The following NAV1 variants were observed in gnomAD, a reference collection of about 807,000 sequenced individuals.
NAV1 encodes neuron navigator 1.
Under a neutral mutation model 175.2 loss-of-function variants are expected in NAV1, and 18 were observed. The observed-to-expected ratio is 0.10, with a 90% confidence interval of 0.07 to 0.15. The LOEUF (loss-of-function observed/expected upper bound fraction) is 0.15. Among genes scored for constraint, NAV1 ranks in the 10% least tolerant of loss-of-function variants. The pLI, the probability that NAV1 is intolerant of heterozygous loss-of-function variation, is 1.00. For synonymous variants in NAV1, 897 were observed against 978.7 expected (o/e 0.92, Z 1.56); for missense variants, 1,731 against 2,436.6 (o/e 0.71, Z 6.10).
intron 3 of NAV1, among the ~76,000 whole-genome samples, chr1:201,770,149 GTAGCCAATCC>G (rs1257002962): frequency 6.6e-6 from 1 of 152,206 alleles, no homozygotes; most frequent in Non-Finnish European, 1.5e-5. Context: ...TCTGGGAGGG[GTAGCCAATCC>G]TAGCCAAGAA....
At chr1:201,549,331 C>T (rs1168744587) in intron 1 of NAV1, among the ~76,000 whole-genome samples, 1 of 152,090 alleles carries the variant, frequency 6.6e-6, no homozygotes, top group East Asian at 1.9e-4. Flanking sequence ...ACCGCAGCCT[C>T]CCGAGTAGCT....
upstream of NAV1, among the ~76,000 whole-genome samples, chr1:201,643,259 T>G (rs1328629996): frequency 6.9e-6 from 1 of 144,270 alleles, no homozygotes; most frequent in African/African-American, 2.7e-5. Flanking sequence ...TCCTCCCTCC[T>G]TCCTTCCCTC....
At chr1:201,674,094 C>A (rs1558056167) in intron 1 of NAV1, 1 of 152,138 alleles carries the variant, frequency 6.6e-6, no homozygotes, top group Non-Finnish European at 1.5e-5. Context: ...GCCCAGATGC[C>A]CCACAGCAAG....
At chr1:201,622,611 G>A (rs1458261863), upstream of NAV1, among the ~76,000 whole-genome samples, 2 of 152,174 alleles carry the variant, frequency 1.3e-5, no homozygotes, top group Non-Finnish European at 2.9e-5. Context: ...AATTCACAAA[G>A]CACTTTCCCA....
chr1:201,606,495 C>G (rs1162706287), intron 2 of NAV1, among the ~76,000 whole-genome samples: 1 of 152,328 alleles, frequency 6.6e-6, no homozygotes. Flanking sequence ...TGTCCATGCA[C>G]CTGGCCCTTG....
At chr1:201,814,585 T>A (rs1396104864) in intron 28 of NAV1, among the ~76,000 whole-genome samples, 1 of 152,130 alleles carries the variant, frequency 6.6e-6, no homozygotes, top group Non-Finnish European at 1.5e-5. Flanking sequence ...AGATATCTCC[T>A]GGTGATATAG....
intron 1 of NAV1, among the ~76,000 whole-genome samples, chr1:201,663,459 AC>A (rs1669693740): frequency 6.6e-6 from 1 of 152,062 alleles, no homozygotes; most frequent in Non-Finnish European, 1.5e-5. Context: ...TTCAGGCCTG[AC>A]CTATAGCTTT....
chr1:201,615,442 T>A (rs1294079917), intron 2 of NAV1, among the ~76,000 whole-genome samples: 2 of 151,982 alleles, frequency 1.3e-5, no homozygotes, highest in African/African-American at 4.8e-5. Flanking sequence ...TTTTTGTAAT[T>A]TTAGTAGAGA....
At chr1:201,762,676 A>G (rs142825442) in intron 3 of NAV1, among the ~76,000 whole-genome samples, 25 of 152,358 alleles carry the variant, frequency 1.6e-4, no homozygotes, top group African/African-American at 5.1e-4. Flanking sequence ...AATATTTACT[A>G]TCTGGCCAAC....
At chr1:201,678,784 A>G (rs1465392226) in intron 1 of NAV1, among the ~76,000 whole-genome samples, 2 of 151,572 alleles carry the variant, frequency 1.3e-5, no homozygotes, top group Admixed American at 1.3e-4. Flanking sequence ...TCAAGGACAC[A>G]CCTCCCTCTG....
intron 1 of NAV1, among the ~76,000 whole-genome samples, chr1:201,627,851 A>G (rs1394723823): frequency 6.6e-6 from 1 of 152,060 alleles, no homozygotes; most frequent in Non-Finnish European, 1.5e-5. Context: ...CATTTAATTG[A>G]CAATAAGAGC....
chr1:201,814,705 A>T (rs1287567968), intron 28 of NAV1, among the ~76,000 whole-genome samples: 1 of 152,156 alleles, frequency 6.6e-6, no homozygotes, highest in Non-Finnish European at 1.5e-5. Flanking sequence ...TCAATTTAAA[A>T]GCATTTTCAC....
intron 2 of NAV1, among the ~76,000 whole-genome samples, chr1:201,606,371 C>T (rs1030897148): frequency 2.0e-5 from 3 of 152,194 alleles, no homozygotes; most frequent in African/African-American, 7.2e-5. Context: ...GTATCTGGCA[C>T]TTATAGCCAC....
chr1:201,651,861 G>A (rs137953784), intron 1 of NAV1, among the ~76,000 whole-genome samples: 4 of 152,100 alleles, frequency 2.6e-5, no homozygotes, highest in African/African-American at 4.8e-5. Context: ...CCCAAAGTTG[G>A]GGGGTGGGGA....
chr1:201,629,006 G>A (rs182173100), intron 1 of NAV1, among the ~76,000 whole-genome samples: 21 of 152,328 alleles, frequency 1.4e-4, no homozygotes, highest in Non-Finnish European at 2.4e-4. Context: ...TCTTCCCTGT[G>A]TATATGTACA....
At chr1:201,639,642 T>A (rs1479945167) in intron 2 of NAV1, among the ~76,000 whole-genome samples, 1 of 151,920 alleles carries the variant, frequency 6.6e-6, no homozygotes, top group Non-Finnish European at 1.5e-5. Flanking sequence ...GAGGGGCCAG[T>A]TTTTTGGATT....
intron 2 of NAV1, among the ~76,000 whole-genome samples, chr1:201,599,615 A>T (rs1346122712): frequency 1.3e-5 from 2 of 152,324 alleles, no homozygotes; most frequent in Non-Finnish European, 2.9e-5. Context: ...TGCTCAAGTC[A>T]TGGGAGCTTC....
chr1:201,611,891 G>T (rs1032101627), intron 2 of NAV1, among the ~76,000 whole-genome samples: 9 of 152,320 alleles, frequency 5.9e-5, no homozygotes, highest in Admixed American at 2.0e-4. Flanking sequence ...GGAAGCTGGA[G>T]ATGTGTGTGT....
At chr1:201,780,300 G>T in intron 3 of NAV1, 121 bp from the exon 8 acceptor site, 2 of 1,165,698 alleles carry the variant, frequency 1.7e-6, no homozygotes, top group Non-Finnish European at 2.4e-6. Flanking sequence ...AAACCCCCAG[G>T]TTTTCTCCTT....
Sources: gnomAD v4.1 joint callset for allele counts (sites outside exome capture counted in the v4.1 genomes callset) on GRCh38, gnomAD v4.1.1 for gene constraint, MANE v1.5 for transcripts, NCBI Gene and HGNC (gene_info 2026-07-23, HGNC 2026-07-21) for gene names.